The following DNHD1 variants were observed in gnomAD, a reference collection of about 807,000 sequenced individuals.
The protein encoded by DNHD1 is dynein heavy chain domain 1, also known as dynein heavy chain domain-containing protein 1.
A neutral mutation model predicts 458.1 loss-of-function variants in DNHD1; 383 were observed. The observed-to-expected ratio is 0.84, with a 90% CI of 0.77 to 0.91. The LOEUF is 0.91. Among genes scored for constraint, DNHD1 ranks in the 40% least tolerant of loss-of-function variants. DNHD1 has a pLI of 0.00. For missense variants in DNHD1, 5,336 were observed against 5,866.1 expected (o/e 0.91, Z 2.95); for synonymous variants, 2,203 against 2,376.9 (o/e 0.93, Z 2.13).
At chr11:6,527,965 G>T (rs937492151) in intron 10 of DNHD1, among the ~76,000 whole-genome samples, 2 of 152,206 alleles carry the variant, frequency 1.3e-5, no homozygotes, top group African/African-American at 4.8e-5. Context: ...TTCTGCAGAT[G>T]CCAGAGACTA....
Position 6,568,790 on chromosome 11 carries a change from CCT to C in DNHD1, c.12790_12791del (p.Leu4264AlafsTer44). On this transcript the variant is annotated frameshift_variant, in exon 39 of 43. Coordinates refer to ENST00000254579, the MANE Select transcript of DNHD1 (RefSeq NM_144666.3). LOFTEE classifies it high-confidence loss of function. ...CATGCAACCCCCCACCCAGGCACTA[CCT>C]CTGCTCCTCCTCCATGGCCTCCTGC... Reference protein sequence around the residue: ...LYMQPPTQALPLLLLHGLLLH... With the variant: ...LYMQPPTQALXLLLLHGLLLH... The C allele has an allele frequency of 1.2e-6, 2 of 1,613,496 alleles. No individual in the cohort carries two copies. The highest frequency in any genetic ancestry group is 1.7e-6 in the Non-Finnish European group (2 of 1,179,736).
chr11:6,567,005 T>C lies in DNHD1; in HGVS notation c.11496T>C (p.His3832=), dbSNP rs774541335. Residue 3832 remains histidine, a synonymous_variant, in exon 36 of 43, where the codon CAT becomes CAC. Transcript: ENST00000254579. ...AQGKLCQLRA[H]CEELEGQKLQ... ...GAAAGCTATGCCAGCTGCGTGCTCA[T>C]TGTGAAGAGTTAGAAGGGCAGAAAC... is the stretch of plus-strand genomic sequence containing the variant. 1.2e-6 allele frequency: 2 copies of C among 1,613,864 alleles called. No individual in the cohort carries two copies. The highest frequency in any genetic ancestry group is 1.1e-5 in the South Asian group (1 of 91,084).
intron 12 of DNHD1, among the ~76,000 whole-genome samples, chr11:6,530,954 G>GTC (rs10633445): frequency 0.96 from 146,750 of 152,206 alleles, 70,965 homozygotes; most frequent in Middle Eastern, 1. Flanking sequence ...TTAGAACCCT[G>GTC]TCTGTTTTTC....
chr11:6,499,857 C>T (rs1045135346), intron 3 of DNHD1, among the ~76,000 whole-genome samples: 3 of 151,802 alleles, frequency 2.0e-5, no homozygotes, highest in Non-Finnish European at 2.9e-5. Context: ...TGAGTCACTG[C>T]GCCCGGCCCT....
At chr11:6,547,794 T>G in intron 21 of DNHD1, 69 bp from the exon 22 acceptor site, 1 of 1,534,018 alleles carries the variant, frequency 6.5e-7, no homozygotes, top group Non-Finnish European at 8.8e-7. Context: ...ACTGTCAACC[T>G]TTTTTCTTTC....
intron 40 of DNHD1, 51 bp downstream of exon 40, chr11:6,570,151 G>C: frequency 6.2e-7 from 1 of 1,613,570 alleles, no homozygotes; most frequent in Middle Eastern, 1.6e-4. Flanking sequence ...GGAGAGCCTG[G>C]AAGAGGGTGG....
In DNHD1 at chr11:6,571,216, G is replaced by T; in HGVS notation, c.13704G>T (p.Val4568=). 6.2e-7 allele frequency: 1 copy of T among 1,608,862 alleles called. No homozygotes were observed. ...AACTGTTGGTTCGTTACTTGGGCGT[G>T]GGCGCGGACGCGAGCAGTGATGTAC... ...RGQLLVRYLG[V]GADASSDVPE... is the part of the protein sequence containing the mutation. Residue 4568 remains valine (V), a synonymous_variant, in exon 42 of 43, where the codon GTG becomes GTT. Coordinates refer to ENST00000254579, the MANE Select transcript of DNHD1 (RefSeq NM_144666.3). The surrounding 1 kb of genome is among the most constrained non-coding windows in gnomAD (Gnocchi z 5.0).
chr11:6,558,013 C>T lies in DNHD1; in HGVS notation c.8718C>T (p.Ser2906=). 6.4e-7 allele frequency: 1 copy of T among 1,551,754 alleles called. No individual in the cohort carries two copies. The highest frequency in any genetic ancestry group is 8.7e-7 in the Non-Finnish European group (1 of 1,147,004). Residue 2906 remains serine, a synonymous_variant, in exon 25 of 43, where the codon AGC becomes AGT. Transcript: ENST00000254579. ...ACACTGCCATCACTCTGGCTTCTAG[C>T]ATTTGTCAGGCCCATTTCTTTCATC... ...GRHTAITLAS[S]ICQAHFFHLP...
chr11:6,547,871 A>G lies in DNHD1; in HGVS notation c.6736A>G (p.Ser2246Gly), dbSNP rs1853257751. 10 of 1,551,736 alleles carry G rather than the reference A, an allele frequency of 6.4e-6. No homozygotes were observed. The highest frequency in any genetic ancestry group is 8.7e-6 in the Non-Finnish European group (10 of 1,147,004). The part of the protein sequence containing the change: ...EEKAPGPEDL[S>G]YSDPVAQSFR... ...CATGGCAACTTTCACAGAGGACCTC[A>G]GCTATAGTGATCCTGTGGCCCAAAG... Residue 2246 changes from serine (S) to glycine (G), a missense_variant, in exon 22 of 43, where the codon AGC (serine) becomes GGC (glycine). Around this residue, in one of 4 missense-constraint regions of DNHD1, gnomAD observed 3,932 missense variants for 4,365.6 expected, o/e 0.90. Transcript: ENST00000254579.
chr11:6,511,490 C>T, intron 7 of DNHD1, 61 bp downstream of exon 7: 1 of 1,583,084 alleles, frequency 6.3e-7, no homozygotes, highest in Non-Finnish European at 8.6e-7. Flanking sequence ...AGAGTTTCAG[C>T]CTCCTCTTAG....
chr11:6,570,395 A>G lies in DNHD1; in HGVS notation c.13104A>G (p.Pro4368=), dbSNP rs773740822. The G allele has an allele frequency of 1.2e-6, 2 of 1,606,726 alleles. No homozygotes were observed. The highest frequency in any genetic ancestry group is 2.2e-5 in the South Asian group (2 of 89,936). ...QSLLATLMPL[P]ELRELDAMAE... ...TGCTGGCCACGCTCATGCCCCTCCCAGGTAAGCCTCACTCAGGTATCTGTT... is the reference window on the plus strand; with the variant it reads ...TGCTGGCCACGCTCATGCCCCTCCCGGGTAAGCCTCACTCAGGTATCTGTT... Residue 4368 remains proline (P), a splice_region_variant and synonymous_variant, in exon 41 of 43, where the codon CCA becomes CCG. Transcript: ENST00000254579.
At chr11:6,561,037 G>A (rs11040922) in intron 28 of DNHD1, among the ~76,000 whole-genome samples, 2 of 152,034 alleles carry the variant, frequency 1.3e-5, no homozygotes, top group Admixed American at 1.3e-4. Context: ...AGGTTAGGGA[G>A]ACTTCCCTAA....
chr11:6,527,462 C>T (rs1852734446), intron 10 of DNHD1, among the ~76,000 whole-genome samples: 1 of 152,212 alleles, frequency 6.6e-6, no homozygotes. Flanking sequence ...AAGATTTTGA[C>T]TGGAGAAACT....
rs1272097973 is a variant in DNHD1, at chr11:6,509,007, C to T, written c.1048C>T (p.His350Tyr). 1.2e-6 allele frequency: 2 copies of T among 1,614,114 alleles called. No individual in the cohort carries two copies. Among genetic ancestry groups the T allele is most frequent in the Admixed American group, 1.7e-5 (1 of 60,006 alleles). ...GACGATGACACTGGGTACCTGGCACCATCACTGTGTTCTCTGGCAGCAGCT... is the reference window on the plus strand; with the variant it reads ...GACGATGACACTGGGTACCTGGCACTATCACTGTGTTCTCTGGCAGCAGCT... Reference protein sequence around the residue: ...SETMTLGTWHHHCVLWQQLQF... With the variant: ...SETMTLGTWHYHCVLWQQLQF... The change falls in exon 5 of 43, where the codon CAT becomes TAT. Residue 350 changes from histidine to tyrosine, a missense_variant. Transcript: ENST00000254579.
rs1263691400 is a variant in DNHD1 at position 6,546,882 on chromosome 11, C to T, written c.5943C>T (p.Ala1981=). The change falls in exon 21 of 43, where the codon GCC becomes GCT. Residue 1981 remains alanine (A), a synonymous_variant. Coordinates refer to ENST00000254579, the MANE Select transcript of DNHD1 (RefSeq NM_144666.3). ...ILGSLEQLSQ[A]LSRASGILLL... The stretch of plus-strand genomic sequence containing the variant: ...GGTCCTTGGAACAGTTGAGCCAGGC[C>T]CTGAGCCGGGCCTCAGGCATTCTGC... 6.4e-7 allele frequency: 1 copy of T among 1,551,634 alleles called. No individual in the cohort carries two copies. Among genetic ancestry groups the T allele is most frequent in the Non-Finnish European group, 8.7e-7 (1 of 1,147,016 alleles).
Position 6,568,067 on chromosome 11 carries a change from A to G in DNHD1, c.12363A>G (p.Gln4121=), listed in dbSNP as rs750795028. 41 of 1,572,338 alleles carry G rather than the reference A, an allele frequency of 2.6e-5. No homozygotes were observed. Among genetic ancestry groups the G allele is most frequent in the Non-Finnish European group, 3.3e-5 (38 of 1,157,136 alleles). The part of the protein sequence containing the change: ...LAAKYQQGQK[Q]LQVIALGSEA... ...TTTTTGGTCCCCAGGGGCAGAAGCAACTGCAGGTGATAGCCCTGGGCTCTG... is the reference window on the plus strand; with the variant it reads ...TTTTTGGTCCCCAGGGGCAGAAGCAGCTGCAGGTGATAGCCCTGGGCTCTG... The change falls in exon 37 of 43, where the codon CAA becomes CAG. Residue 4121 remains glutamine, a synonymous_variant. Coordinates refer to ENST00000254579, the MANE Select transcript of DNHD1 (RefSeq NM_144666.3).
intron 28 of DNHD1, among the ~76,000 whole-genome samples, chr11:6,559,511 A>G (rs1853542099): frequency 6.6e-6 from 1 of 152,236 alleles, no homozygotes; most frequent in Non-Finnish European, 1.5e-5. Flanking sequence ...AAACCCAAGC[A>G]TCTGCTTCTG....
chr11:6,563,897 G>A lies in DNHD1; in HGVS notation c.10057G>A (p.Val3353Met). The A allele has an allele frequency of 1.3e-6, 2 of 1,551,738 alleles. No individual in the cohort carries two copies. The highest frequency in any genetic ancestry group is 1.7e-6 in the Non-Finnish European group (2 of 1,147,000). Residue 3353 changes from valine to methionine, a missense_variant, in exon 31 of 43, where the codon GTG becomes ATG. Val to Met is a conservative substitution (Grantham distance 21). Transcript: ENST00000254579. ...GCCCACGGACCTGCTGCTGCAGCAA[G>A]TGGAGGCAACACTCACTCGGGAGCA... Reference protein sequence around the residue: ...GLPTDLLLQQVEATLTREQAR... With the variant: ...GLPTDLLLQQMEATLTREQAR...
chr11:6,545,561 G>A lies in DNHD1; in HGVS notation c.4622G>A (p.Arg1541His), dbSNP rs777206666. 1.9e-5 allele frequency: 30 copies of A among 1,551,940 alleles called. No homozygotes were observed. The Admixed American group carries it at 2.4e-4, about 12-fold the overall frequency. Residue 1541 changes from arginine (R) to histidine (H), a missense_variant, in exon 21 of 43, where the codon CGC becomes CAC. Around this residue, in one of 4 missense-constraint regions of DNHD1, gnomAD observed 3,932 missense variants for 4,365.6 expected, o/e 0.90. Coordinates refer to ENST00000254579, the MANE Select transcript of DNHD1 (RefSeq NM_144666.3). This position sits in a 1 kb window ranked among gnomAD's most constrained non-coding sequence, Gnocchi z 4.9. ...GTLAMVSMHM[R>H]KLEVLVNFMR... ...CTGGCCATGGTCTCCATGCATATGC[G>A]CAAGCTTGAGGTACTGGTGAATTTT... is the stretch of plus-strand genomic sequence containing the variant.
Sources: allele counts gnomAD v4.1 joint callset (sites outside exome capture counted in the v4.1 genomes callset), GRCh38; gene constraint gnomAD v4.1.1; regional missense constraint gnomAD v4.1.1; non-coding constraint Gnocchi (gnomAD v3.1); transcripts MANE v1.5; gene names NCBI Gene and HGNC (gene_info 2026-07-23, HGNC 2026-07-21).